RC3H1: variants seen among roughly 807,000 people sequenced by gnomAD.
The protein encoded by RC3H1 is roquin-1.
Under a neutral mutation model 138.2 loss-of-function variants are expected in RC3H1, and 50 were observed. The observed-to-expected ratio is 0.36, with a 90% confidence interval of 0.29 to 0.46. The LOEUF (loss-of-function observed/expected upper bound fraction) is 0.46. Among genes scored for constraint, RC3H1 ranks in the 20% least tolerant of loss-of-function variants. The pLI, the probability that RC3H1 is intolerant of heterozygous loss-of-function variation, is 1.00. For synonymous variants in RC3H1, 462 were observed against 489.1 expected (o/e 0.94, Z 0.73); for missense variants, 1,031 against 1,388.1 (o/e 0.74, Z 4.09).
In RC3H1 at chr1:173,935,359, C is replaced by T. The variant is rs1470689161; in HGVS notation, c.*3362G>A. On this transcript the variant is annotated 3_prime_UTR_variant, in exon 20 of 20. Coordinates refer to ENST00000367696, the MANE Select transcript of RC3H1 (RefSeq NM_172071.4). ...AGTAAGTCAAAATACTTTTATATTT[C>T]TCGCTATAAATAAAATTCCCTCACC... 2 of 152,092 alleles carry T rather than the reference C, an allele frequency of 1.3e-5. No homozygotes were observed. The highest frequency in any genetic ancestry group is 4.8e-5 in the African/African-American group (2 of 41,408). The allele number at this position is 152,092 out of a possible 1,614,324, so 9.4% of individuals were successfully genotyped here.
chr1:174,007,780 AT>A (rs934146536), intron 1 of RC3H1, among the ~76,000 whole-genome samples: 4 of 151,952 alleles, frequency 2.6e-5, no homozygotes, highest in African/African-American at 9.7e-5. Context: ...TTTTTGTTAG[AT>A]TTTTTTTCCC....
intron 13 of RC3H1, among the ~76,000 whole-genome samples, chr1:173,959,227 G>T (rs1196514144): frequency 6.6e-6 from 1 of 152,008 alleles, no homozygotes; most frequent in Non-Finnish European, 1.5e-5. Flanking sequence ...ACATTATTAT[G>T]ATTAATAAAG....
At position 173,934,241 on chromosome 1, in the gene RC3H1, A is replaced by T. The variant is rs1312425811; in HGVS notation, c.*4480T>A. ...AAAGTATTTTGTCTTGAATTTTAACAATCTGTACATGTACTGACTATAGTT... is the reference window on the plus strand; with the variant it reads ...AAAGTATTTTGTCTTGAATTTTAACTATCTGTACATGTACTGACTATAGTT... On this transcript the variant is annotated 3_prime_UTR_variant, in exon 20 of 20. Transcript: ENST00000367696. 1 of 152,118 alleles carries T rather than the reference A, an allele frequency of 6.6e-6. No homozygotes were observed. The highest frequency in any genetic ancestry group is 1.5e-5 in the Non-Finnish European group (1 of 68,010). The allele number at this position is 152,118 out of a possible 1,614,324, so 9.4% of individuals were successfully genotyped here. A position where few individuals can be genotyped will look rare whatever the true frequency, so the allele number is the denominator to read the frequency against.
intron 2 of RC3H1, among the ~76,000 whole-genome samples, chr1:173,985,763 A>G (rs1661001742): frequency 6.6e-6 from 1 of 152,120 alleles, no homozygotes; most frequent in South Asian, 2.1e-4. Context: ...GTATTCTTTG[A>G]TAATTATCTC....
intron 9 of RC3H1, among the ~76,000 whole-genome samples, chr1:173,966,561 A>G (rs1660127381): frequency 1.3e-5 from 2 of 152,050 alleles, no homozygotes; most frequent in Non-Finnish European, 2.9e-5. Flanking sequence ...CTAAAAATAC[A>G]AAAATTAGCT....
At chr1:173,960,025 T>C (rs1659802790) in intron 13 of RC3H1, among the ~76,000 whole-genome samples, 1 of 147,764 alleles carries the variant, frequency 6.8e-6, no homozygotes, top group Non-Finnish European at 1.5e-5. Context: ...GGAGAATCAT[T>C]TGAACCCAGG....
Position 173,999,397 on chromosome 1 carries a change from G to T in RC3H1, c.-150-6262C>A, listed in dbSNP as rs866223959. ...CTCCACCAAAAAAAAAAAAAAGAGA[G>T]AGAGAGAAAGAAAGATATGAATTAT... is the stretch of plus-strand genomic sequence containing the variant. On this transcript the variant is annotated intron_variant, in intron 1 of 19. Transcript: ENST00000367696. Among the ~76,000 whole-genome samples the T allele has an allele frequency of 2.1e-5, 3 of 143,528 alleles. 1 individual carries two copies. Among genetic ancestry groups the T allele is most frequent in the African/African-American group, 5.4e-5 (2 of 36,808 alleles). The allele number at this position is 143,528 out of a possible 152,430, so 94.2% of individuals were successfully genotyped here.
At chr1:173,995,719 C>G (rs1341856719) in intron 1 of RC3H1, among the ~76,000 whole-genome samples, 1 of 152,122 alleles carries the variant, frequency 6.6e-6, no homozygotes, top group Non-Finnish European at 1.5e-5. Context: ...CAATCACACA[C>G]AGTCCACTAT....
At chr1:173,993,656 G>T (rs1219307125) in intron 1 of RC3H1, among the ~76,000 whole-genome samples, 1 of 151,604 alleles carries the variant, frequency 6.6e-6, no homozygotes, top group Non-Finnish European at 1.5e-5. Flanking sequence ...GCATCCCAAA[G>T]TGCTGGGATT....
chr1:173,957,633 C>T (rs976570816), intron 13 of RC3H1, among the ~76,000 whole-genome samples: 2 of 152,076 alleles, frequency 1.3e-5, no homozygotes, highest in African/African-American at 4.8e-5. Context: ...CACTATAGCA[C>T]GGACCTCCCA....
chr1:173,938,827 A>C lies in RC3H1; in HGVS notation c.3296T>G (p.Leu1099Arg). Reference sequence around the variant, plus strand: ...CAGAGAGCTGGTCTTGTTTGATAGGAGGCTGATATTCTCTTGTGTCAAGGC... The same window carrying C: ...CAGAGAGCTGGTCTTGTTTGATAGGCGGCTGATATTCTCTTGTGTCAAGGC... ...GSALTQENIS[L>R]LSNKTSSLNL... Residue 1099 changes from leucine (L) to arginine (R), a missense_variant, in exon 20 of 20, where the codon CTC becomes CGC. Transcript: ENST00000367696. 1 of 1,613,530 alleles carries C rather than the reference A, an allele frequency of 6.2e-7. No individual in the cohort carries two copies. The highest frequency in any genetic ancestry group is 2.2e-5 in the East Asian group (1 of 44,868).
chr1:173,962,703 T>G (rs1422716180), intron 11 of RC3H1, among the ~76,000 whole-genome samples: 1 of 152,222 alleles, frequency 6.6e-6, no homozygotes, highest in Non-Finnish European at 1.5e-5. Context: ...ACTGTTTGCT[T>G]CTTTAGTACC....
intron 17 of RC3H1, 120 bp downstream of exon 17, chr1:173,946,356 T>C: frequency 3.8e-6 from 3 of 798,462 alleles, no homozygotes; most frequent in Non-Finnish European, 5.8e-6. Flanking sequence ...AATAGAAACC[T>C]ATACTAACTC....
chr1:173,998,723 T>A (rs1317715940), intron 1 of RC3H1, among the ~76,000 whole-genome samples: 1 of 152,202 alleles, frequency 6.6e-6, no homozygotes, highest in Non-Finnish European at 1.5e-5. Context: ...TAAACTTTTA[T>A]CACTAATATT....
chr1:173,942,325 C>T (rs1324543934), intron 18 of RC3H1, among the ~76,000 whole-genome samples: 2 of 144,334 alleles, frequency 1.4e-5, no homozygotes, highest in African/African-American at 2.6e-5. Context: ...CCCAGCTACT[C>T]GGGAGACTGA....
intron 18 of RC3H1, 150 bp downstream of exon 18, chr1:173,943,292 G>A (rs1252057547): frequency 1.9e-5 from 12 of 623,020 alleles, no homozygotes; most frequent in Admixed American, 9.8e-5. Flanking sequence ...TGATAAAATC[G>A]GAAGGTAGCC....
At chr1:173,968,714 T>C (rs1460797224) in intron 9 of RC3H1, among the ~76,000 whole-genome samples, 3 of 152,154 alleles carry the variant, frequency 2.0e-5, no homozygotes, top group Non-Finnish European at 4.4e-5. Context: ...GCAGAAAATT[T>C]TGCTTTATCC....
intron 1 of RC3H1, among the ~76,000 whole-genome samples, chr1:174,010,154 C>A (rs947185843): frequency 6.6e-6 from 1 of 151,804 alleles, no homozygotes; most frequent in African/African-American, 2.4e-5. Context: ...AAAAAAAAAT[C>A]TTCCATAAAT....
chr1:173,999,118 GTGGCTCACACC>G (rs368795575), intron 1 of RC3H1, among the ~76,000 whole-genome samples: 5 of 151,366 alleles, frequency 3.3e-5, no homozygotes, highest in African/African-American at 1.2e-4. Context: ...GTTGGGCGTG[GTGGCTCACACC>G]TGTAATCCCA....
Sources: allele counts gnomAD v4.1 joint callset (sites outside exome capture counted in the v4.1 genomes callset), GRCh38; gene constraint gnomAD v4.1.1; transcripts MANE v1.5; gene names NCBI Gene and HGNC (gene_info 2026-07-23, HGNC 2026-07-21).